The following PIEZO2 variants were observed in gnomAD, a reference collection of about 807,000 sequenced individuals.
PIEZO2 encodes piezo-type mechanosensitive ion channel component 2.
A neutral mutation model predicts 337.3 loss-of-function variants in PIEZO2; 172 were observed. The observed-to-expected ratio is 0.51, with a 90% confidence interval of 0.45 to 0.58. The LOEUF is 0.58. PIEZO2 is among the 20% of genes least tolerant of loss of function. The pLI is 0.00. For missense variants in PIEZO2, 3,028 were observed against 3,391.3 expected (o/e 0.89, Z 2.66); for synonymous variants, 1,251 against 1,228.5 (o/e 1.02, Z -0.38).
Position 11,134,261 on chromosome 18 carries a change from C to T in PIEZO2, c.64+14264G>A, listed in dbSNP as rs117852703. ...TTGGTTTTCCACTATGCTGCTGCTA[C>T]ACCTGCAAATGTGTGTAGCCTGGTT... On this transcript the variant is annotated intron_variant, in intron 1 of 55. Coordinates refer to ENST00000674853, the MANE Select transcript of PIEZO2 (RefSeq NM_001378183.1). Among the ~76,000 whole-genome samples, 672 of 152,354 alleles carry T rather than the reference C, an allele frequency of 4.4e-3. 1 individual carries two copies. Among genetic ancestry groups the T allele is most frequent in the Non-Finnish European group, 7.3e-3 (500 of 68,030 alleles).
At chr18:11,133,837 CTATATA>C (rs373558006) in intron 1 of PIEZO2, among the ~76,000 whole-genome samples, 7 of 149,746 alleles carry the variant, frequency 4.7e-5, no homozygotes, top group Non-Finnish European at 1.0e-4. Flanking sequence ...TAATAAACTC[CTATATA>C]TATATACACT....
Position 11,003,248 on chromosome 18 carries a change from TTTG to T in PIEZO2, c.161-23591_161-23589del, listed in dbSNP as rs368732615. On this transcript the variant is annotated intron_variant, in intron 2 of 55. Transcript: ENST00000674853. The surrounding 1 kb of genome is among the most constrained non-coding windows in gnomAD (Gnocchi z 4.6). ...ACCTCTGGTCTAGGATGTGTTTTCT[TTTG>T]TTGTTTGTTTGTTTTGTTTTGTTTT... Among the ~76,000 whole-genome samples the T allele has an allele frequency of 1.7e-3, 252 of 151,968 alleles. 5 individuals are homozygous for T. The highest frequency in any genetic ancestry group is 5.7e-3 in the African/African-American group (237 of 41,248).
chr18:10,772,675 T>C (rs1187925874), intron 20 of PIEZO2, among the ~76,000 whole-genome samples: 1 of 152,152 alleles, frequency 6.6e-6, no homozygotes, highest in African/African-American at 2.4e-5. Context: ...CCCCAGAACC[T>C]CACCCCAGAG....
intron 2 of PIEZO2, among the ~76,000 whole-genome samples, chr18:10,985,575 T>G (rs912993689): frequency 4.6e-5 from 7 of 152,126 alleles, no homozygotes; most frequent in African/African-American, 1.7e-4. Context: ...AGCATGGTGT[T>G]TTAATTACTA....
At chr18:11,046,729 G>A (rs908414503) in intron 2 of PIEZO2, among the ~76,000 whole-genome samples, 3 of 152,166 alleles carry the variant, frequency 2.0e-5, no homozygotes, top group Non-Finnish European at 2.9e-5. Context: ...GAATTATGTC[G>A]ACCATTTAGT....
In PIEZO2 at chr18:10,854,623, G is replaced by A. The variant is rs1355053021; in HGVS notation, c.917+730C>T. ...CTCATTTTCATAGTAAGGATTTGGT[G>A]TAATAGTCATCTCCAATCGAAGCAA... On this transcript the variant is annotated intron_variant, in intron 7 of 55. Transcript: ENST00000674853. The surrounding 1 kb of genome is among the most constrained non-coding windows in gnomAD (Gnocchi z 4.6). 6.6e-6 allele frequency among the ~76,000 whole-genome samples: 1 copy of A among 152,220 alleles called. No homozygotes were observed. Among genetic ancestry groups the A allele is most frequent in the African/African-American group, 2.4e-5 (1 of 41,456 alleles).
Position 10,773,751 on chromosome 18 carries a change from T to G in PIEZO2, c.2568-122A>C. On this transcript the variant is annotated intron_variant, in intron 19 of 55. Coordinates refer to ENST00000674853, the MANE Select transcript of PIEZO2 (RefSeq NM_001378183.1). The surrounding 1 kb of genome is among the most constrained non-coding windows in gnomAD (Gnocchi z 5.3). ...GTGCATGTACAAAGACCTCACAAGG[T>G]GGGGTGTTAGCGTTTTGTCACTTTC... 1 of 933,110 alleles carries G rather than the reference T, an allele frequency of 1.1e-6. No individual in the cohort carries two copies. The highest frequency in any genetic ancestry group is 1.6e-5 in the South Asian group (1 of 60,884). 57.8% of individuals were successfully genotyped at this position (933,110 alleles called of 1,614,324 possible). A position where few individuals can be genotyped will look rare whatever the true frequency, so the allele number is the denominator to read the frequency against.
chr18:11,010,228 G>A (rs1255906553), intron 2 of PIEZO2, among the ~76,000 whole-genome samples: 2 of 152,126 alleles, frequency 1.3e-5, no homozygotes, highest in African/African-American at 2.4e-5. Context: ...ACCTGTCTTT[G>A]AGTAACACAT....
chr18:10,897,563 C>T (rs139200498), intron 4 of PIEZO2, among the ~76,000 whole-genome samples: 2 of 152,180 alleles, frequency 1.3e-5, no homozygotes, highest in Non-Finnish European at 2.9e-5. Flanking sequence ...CCACATAAGA[C>T]GTGCCTTTCA....
intron 4 of PIEZO2, among the ~76,000 whole-genome samples, chr18:10,907,547 A>G (rs2030068506): frequency 6.6e-6 from 1 of 152,184 alleles, no homozygotes; most frequent in Non-Finnish European, 1.5e-5. Flanking sequence ...GAGCTGCCCC[A>G]TAGAATTGTC....
intron 4 of PIEZO2, chr18:10,890,660 A>C (rs1348948724): frequency 6.6e-6 from 1 of 152,224 alleles, no homozygotes. Context: ...GCATGGAGGT[A>C]ACTGCCCCAA....
chr18:10,994,283 T>C (rs1411785981), intron 2 of PIEZO2, among the ~76,000 whole-genome samples: 1 of 152,236 alleles, frequency 6.6e-6, no homozygotes, highest in Non-Finnish European at 1.5e-5. Flanking sequence ...TTGCAAATTG[T>C]GCTGCTATAA....
chr18:11,053,463 A>G (rs1162042329), intron 2 of PIEZO2, among the ~76,000 whole-genome samples: 1 of 152,154 alleles, frequency 6.6e-6, no homozygotes, highest in Non-Finnish European at 1.5e-5. Context: ...CCCACTTAAA[A>G]ATTTATTAGA....
intron 5 of PIEZO2, among the ~76,000 whole-genome samples, chr18:10,860,783 A>G (rs1359877255): frequency 3.9e-5 from 6 of 152,244 alleles, no homozygotes; most frequent in Admixed American, 3.3e-4. Flanking sequence ...GATTAAATCA[A>G]ATAGAAATCT....
At chr18:10,798,830 A>G (rs1357762202) in intron 11 of PIEZO2, among the ~76,000 whole-genome samples, 1 of 152,192 alleles carries the variant, frequency 6.6e-6, no homozygotes, top group African/African-American at 2.4e-5. Flanking sequence ...TGAAGAGCAC[A>G]CTGGAAAGCA....
At chr18:10,749,048 TGGCTTATTA>T (rs2037540567) in intron 29 of PIEZO2, among the ~76,000 whole-genome samples, 1 of 152,148 alleles carries the variant, frequency 6.6e-6, no homozygotes, top group African/African-American at 2.4e-5. Flanking sequence ...GAGCACAGCA[TGGCTTATTA>T]GAAGGAGTAT....
chr18:11,001,444 AC>A lies in PIEZO2; in HGVS notation c.161-21785del. 6.6e-6 allele frequency among the ~76,000 whole-genome samples: 1 copy of A among 152,078 alleles called. No individual in the cohort carries two copies. The highest frequency in any genetic ancestry group is 2.1e-4 in the South Asian group (1 of 4,808). On this transcript the variant is annotated intron_variant, in intron 2 of 55. Transcript: ENST00000674853. The surrounding 1 kb of genome is among the most constrained non-coding windows in gnomAD (Gnocchi z 5.3). ...TTCTTTCTGCTGTCGCTCTTCTTTG[AC>A]CCTGCTAGAGATGACTTCACTGTCA...
chr18:11,045,548 T>C (rs2037283016), intron 2 of PIEZO2, among the ~76,000 whole-genome samples: 1 of 152,106 alleles, frequency 6.6e-6, no homozygotes, highest in Non-Finnish European at 1.5e-5. Context: ...TGGCATCAAA[T>C]AGATGAACGG....
At chr18:10,736,519 C>A in intron 34 of PIEZO2, 85 bp downstream of exon 34, 1 of 1,498,172 alleles carries the variant, frequency 6.7e-7, no homozygotes, top group Non-Finnish European at 8.9e-7. Flanking sequence ...ATGAATATTA[C>A]AGGAGGTGTC....
Sources: allele counts gnomAD v4.1 joint callset (sites outside exome capture counted in the v4.1 genomes callset), GRCh38; gene constraint gnomAD v4.1.1; non-coding constraint Gnocchi (gnomAD v3.1); transcripts MANE v1.5; gene names NCBI Gene and HGNC (gene_info 2026-07-23, HGNC 2026-07-21).